The following SATB2 variants were observed in gnomAD, a reference collection of about 807,000 sequenced individuals.
SATB2 encodes the protein SATB homeobox 2.
Under a neutral mutation model 73.4 loss-of-function variants are expected in SATB2, and 1 was observed. That is an observed-to-expected ratio of 0.01 (90% CI 0.00 to 0.06). The LOEUF is 0.06. SATB2 is among the 10% of genes least tolerant of loss of function. SATB2 has a pLI of 1.00. For synonymous variants in SATB2, 397 were observed against 367.0 expected, an observed-to-expected ratio of 1.08 and a Z score of -0.93; for missense variants, 459 against 945.8, an observed-to-expected ratio of 0.49 and a Z score of 6.75.
rs750686286 is a variant in SATB2 at position 199,433,460 on chromosome 2, T to C, written c.224A>G (p.Tyr75Cys). The part of the protein sequence containing the change: ...VVEQLDGSLE[Y>C]DNREEHAEFV... ...CTCGGCGTGTTCTTCTCTGTTGTCA[T>C]ATTCAAGAGAGCCGTCCAACTGCTC... The change falls in exon 3 of 11, where the codon TAT (tyrosine) becomes TGT (cysteine). Residue 75 changes from tyrosine to cysteine, a missense_variant. Transcript: ENST00000417098. The C allele has an allele frequency of 3.7e-6, 6 of 1,614,110 alleles. No homozygotes were observed. Among genetic ancestry groups the C allele is most frequent in the South Asian group, 1.1e-5 (1 of 91,088 alleles).
intron 3 of SATB2, among the ~76,000 whole-genome samples, chr2:199,402,636 C>T (rs1484373968): frequency 1.3e-5 from 2 of 152,148 alleles, no homozygotes; most frequent in African/African-American, 4.8e-5. Flanking sequence ...TTGAAGGGAA[C>T]ATGAAAGTTT....
At chr2:199,364,922 T>C (rs1689238712) in intron 6 of SATB2, among the ~76,000 whole-genome samples, 1 of 152,138 alleles carries the variant, frequency 6.6e-6, no homozygotes, top group Admixed American at 6.5e-5. Context: ...GTAAAACTGA[T>C]AGTGCTACTA....
At chr2:199,421,088 C>G (rs902781970) in intron 3 of SATB2, among the ~76,000 whole-genome samples, 1 of 151,944 alleles carries the variant, frequency 6.6e-6, no homozygotes, top group Admixed American at 6.6e-5. Context: ...CAGTATGAGC[C>G]GCATGACTCC....
In SATB2 at chr2:199,272,157, T is replaced by A; in HGVS notation, c.*54A>T. The stretch of plus-strand genomic sequence containing the variant: ...AACTAACAAAAAACTTTTAAAGAAA[T>A]GAAAGCAGAAAATCCTTGGACCGAT... On this transcript the variant is annotated 3_prime_UTR_variant, in exon 11 of 11. Coordinates refer to ENST00000417098, the MANE Select transcript of SATB2 (RefSeq NM_001172509.2). The surrounding 1 kb of genome is among the most constrained non-coding windows in gnomAD (Gnocchi z 6.7). The A allele has an allele frequency of 6.5e-7, 1 of 1,542,862 alleles. No individual in the cohort carries two copies. The highest frequency in any genetic ancestry group is 8.9e-7 in the Non-Finnish European group (1 of 1,118,184).
chr2:199,333,340 C>G (rs1373238028), intron 7 of SATB2, among the ~76,000 whole-genome samples: 1 of 151,868 alleles, frequency 6.6e-6, no homozygotes, highest in Non-Finnish European at 1.5e-5. Flanking sequence ...TAATGCAAGC[C>G]AGAACTAGTG....
chr2:199,322,532 T>C (rs1311608157), intron 9 of SATB2, among the ~76,000 whole-genome samples: 1 of 152,198 alleles, frequency 6.6e-6, no homozygotes, highest in Admixed American at 6.5e-5. Context: ...ATTTCACTGA[T>C]TTCATTGAAG....
At chr2:199,328,044 G>C (rs771251966) in intron 8 of SATB2, among the ~76,000 whole-genome samples, 29 of 152,108 alleles carry the variant, frequency 1.9e-4, no homozygotes, top group Non-Finnish European at 2.8e-4. Flanking sequence ...TGCAAACTCA[G>C]CTTCAACACA....
chr2:199,276,412 C>G (rs1403353006), intron 10 of SATB2, among the ~76,000 whole-genome samples: 11 of 152,152 alleles, frequency 7.2e-5, no homozygotes, highest in Admixed American at 7.2e-4. Flanking sequence ...TCTAAATTCC[C>G]TGTTAGTGAA....
intron 2 of SATB2, among the ~76,000 whole-genome samples, chr2:199,447,038 G>C (rs1252053163): frequency 1.3e-5 from 2 of 152,128 alleles, no homozygotes; most frequent in Non-Finnish European, 2.9e-5. Context: ...CACACATGGG[G>C]GTAACCCGAG....
At chr2:199,360,440 C>T (rs941975919) in intron 6 of SATB2, among the ~76,000 whole-genome samples, 2 of 152,112 alleles carry the variant, frequency 1.3e-5, no homozygotes, top group African/African-American at 2.4e-5. Context: ...CCACCAAGCC[C>T]CCATGCCAAT....
At chr2:199,465,665 T>C (rs376312231), upstream of SATB2, among the ~76,000 whole-genome samples, 36 of 152,322 alleles carry the variant, frequency 2.4e-4, no homozygotes, top group African/African-American at 8.2e-4. Flanking sequence ...CTATACAAAG[T>C]CTCTGAAATA....
intron 3 of SATB2, among the ~76,000 whole-genome samples, chr2:199,386,848 ACT>A (rs747974868): frequency 2.6e-5 from 4 of 151,006 alleles, no homozygotes; most frequent in Non-Finnish European, 5.9e-5. Flanking sequence ...TCACACTCTC[ACT>A]CTGTCTAGAG....
intron 3 of SATB2, among the ~76,000 whole-genome samples, chr2:199,388,926 A>G (rs959938546): frequency 1.3e-5 from 2 of 152,152 alleles, no homozygotes; most frequent in African/African-American, 2.4e-5. Context: ...TTCATATGCT[A>G]TAGCATATAA....
At chr2:199,401,489 G>A (rs961751227) in intron 3 of SATB2, among the ~76,000 whole-genome samples, 1 of 151,564 alleles carries the variant, frequency 6.6e-6, no homozygotes, top group Non-Finnish European at 1.5e-5. Context: ...GGAGGCGGAG[G>A]TTGCAGTGAG....
At chr2:199,288,326 C>G (rs1692745929) in intron 10 of SATB2, among the ~76,000 whole-genome samples, 1 of 152,086 alleles carries the variant, frequency 6.6e-6, no homozygotes, top group East Asian at 1.9e-4. Context: ...ATTTAAAATC[C>G]CCATAACTAC....
At chr2:199,418,381 T>C (rs1387047909) in intron 3 of SATB2, among the ~76,000 whole-genome samples, 1 of 152,160 alleles carries the variant, frequency 6.6e-6, no homozygotes, top group African/African-American at 2.4e-5. Flanking sequence ...GTGAGCGAAG[T>C]CATCGTGATC....
chr2:199,457,924 A>C lies in SATB2; in HGVS notation c.-645T>G, dbSNP rs1007562159. On this transcript the variant is annotated 5_prime_UTR_variant, in exon 1 of 11. Transcript: ENST00000417098. This position sits in a 1 kb window ranked among gnomAD's most constrained non-coding sequence, Gnocchi z 4.8. ...TCCCCTCTCGGCCGCCTCTGCCAGC[A>C]GCCAGAGCCGGACTCACTGACAAGC... 2.0e-5 allele frequency: 3 copies of C among 152,766 alleles called. No individual in the cohort carries two copies. The highest frequency in any genetic ancestry group is 4.8e-5 in the African/African-American group (2 of 41,414). The allele number at this position is 152,766 out of a possible 1,614,324, so 9.5% of individuals were successfully genotyped here.
At chr2:199,440,523 A>G (rs1013307095) in intron 2 of SATB2, among the ~76,000 whole-genome samples, 3 of 152,148 alleles carry the variant, frequency 2.0e-5, no homozygotes, top group East Asian at 1.9e-4. Flanking sequence ...GAAACAGTAG[A>G]AAAAAAATTT....
chr2:199,374,741 G>C (rs775840993), intron 5 of SATB2, among the ~76,000 whole-genome samples: 21 of 152,070 alleles, frequency 1.4e-4, no homozygotes, highest in Non-Finnish European at 5.9e-5. Context: ...AGGCAGGAGG[G>C]TCACTTGGGG....
Sources: allele counts gnomAD v4.1 joint callset (sites outside exome capture counted in the v4.1 genomes callset), GRCh38; gene constraint gnomAD v4.1.1; non-coding constraint Gnocchi (gnomAD v3.1); transcripts MANE v1.5; gene names NCBI Gene and HGNC (gene_info 2026-07-23, HGNC 2026-07-21).